CDH4: variants seen among roughly 807,000 people sequenced by gnomAD.
The protein encoded by CDH4 is cadherin 4, also known as cadherin-4.
CDH4 carries 33 observed loss-of-function variants against 86.0 expected under a neutral mutation model. The observed-to-expected ratio is 0.38, with a 90% confidence interval of 0.29 to 0.51. The LOEUF (loss-of-function observed/expected upper bound fraction) is 0.51, where lower values mean the gene tolerates loss of function less well. CDH4 is among the 20% of genes least tolerant of loss of function. CDH4 has a pLI of 0.86. For missense variants in CDH4, 1,114 were observed against 1,307.4 expected (o/e 0.85, Z 2.28); for synonymous variants, 555 against 549.4 (o/e 1.01, Z -0.14).
At chr20:61,920,628 T>C (rs1392509105) in intron 9 of CDH4, among the ~76,000 whole-genome samples, 1 of 150,274 alleles carries the variant, frequency 6.7e-6, no homozygotes, top group African/African-American at 2.5e-5. Context: ...GGAAGTGTGG[T>C]GTCACAGTGA....
rs763786186 is a variant in CDH4, at chr20:61,923,640, C to T, written c.1564C>T (p.Pro522Ser). 3.7e-6 allele frequency: 6 copies of T among 1,614,112 alleles called. No homozygotes were observed. Among genetic ancestry groups the T allele is most frequent in the Middle Eastern group, 1.6e-4 (1 of 6,062 alleles). The change falls in exon 10 of 16, where the codon CCC (proline) becomes TCC (serine). Residue 522 changes from proline to serine, a missense_variant. Transcript: ENST00000614565. The stretch of plus-strand genomic sequence containing the variant: ...GATCCGCCTGGAGGAGGGCGTGCCC[C>T]CCGGCACCGTGCTGACCACGTTTTC... ...KLIRLEEGVPPGTVLTTFSAV... is the reference protein window; with the variant it reads ...KLIRLEEGVPSGTVLTTFSAV...
intron 2 of CDH4, among the ~76,000 whole-genome samples, chr20:61,742,308 A>G (rs900770539): frequency 1.3e-5 from 2 of 152,146 alleles, no homozygotes; most frequent in African/African-American, 2.4e-5. Context: ...ATCACATTTA[A>G]AAACATTTTC....
intron 2 of CDH4, among the ~76,000 whole-genome samples, chr20:61,610,784 G>A (rs773723488): frequency 6.6e-6 from 1 of 152,128 alleles, no homozygotes; most frequent in Non-Finnish European, 1.5e-5. Flanking sequence ...GCTTGTGCCT[G>A]TCCTTCAGAT....
chr20:61,755,289 C>T (rs906752207), intron 3 of CDH4, among the ~76,000 whole-genome samples: 1 of 128,120 alleles, frequency 7.8e-6, no homozygotes, highest in Non-Finnish European at 1.7e-5. Flanking sequence ...ACACACACGC[C>T]CCACACACAC....
At position 61,252,482 on chromosome 20, in the gene CDH4, C is replaced by T. The variant is rs1475884706; in HGVS notation, c.-32C>T. 4.5e-6 allele frequency: 5 copies of T among 1,116,796 alleles called. No individual in the cohort carries two copies. Among genetic ancestry groups the T allele is most frequent in the African/African-American group, 3.4e-5 (2 of 59,234 alleles). The allele number at this position is 1,116,796 out of a possible 1,614,324, so 69.2% of individuals were successfully genotyped here. A position where few individuals can be genotyped will look rare whatever the true frequency, so the allele number is the denominator to read the frequency against. On this transcript the variant is annotated 5_prime_UTR_variant, in exon 1 of 16. Coordinates refer to ENST00000614565, the MANE Select transcript of CDH4 (RefSeq NM_001794.5). The surrounding 1 kb of genome is among the most constrained non-coding windows in gnomAD (Gnocchi z 4.4). ...GCGGCGGCGGCAGGGAGCGGGCTCC[C>T]GGTGCCGGGCACCGGGCGGGCGGCG...
rs761554192 is a variant in CDH4, at chr20:61,723,105, G to A, written c.170-20458G>A. On this transcript the variant is annotated intron_variant, in intron 2 of 15. Transcript: ENST00000614565. The stretch of plus-strand genomic sequence containing the variant: ...AGGGCAGACCTCACTCTTCATCACC[G>A]ATCACCATGAGTCTGGTCATGTGTC... Among the ~76,000 whole-genome samples the A allele has an allele frequency of 3.3e-5, 5 of 152,280 alleles. No individual in the cohort carries two copies. The East Asian group carries it at 5.8e-4, about 18-fold the overall frequency.
At chr20:61,350,744 T>C (rs934386187) in intron 2 of CDH4, among the ~76,000 whole-genome samples, 1 of 152,176 alleles carries the variant, frequency 6.6e-6, no homozygotes, top group Non-Finnish European at 1.5e-5. Flanking sequence ...CGCCCTCAAG[T>C]GGCCTGGGGA....
chr20:61,596,306 G>A (rs1402928188), intron 2 of CDH4, among the ~76,000 whole-genome samples: 1 of 152,234 alleles, frequency 6.6e-6, no homozygotes, highest in African/African-American at 2.4e-5. Flanking sequence ...AGAGGGTGGT[G>A]CACAATTGGT....
chr20:61,933,982 A>C, intron 14 of CDH4, 74 bp from the exon 15 acceptor site: 1 of 1,550,552 alleles, frequency 6.4e-7, no homozygotes, highest in Non-Finnish European at 8.8e-7. Context: ...CAGGTGACAG[A>C]AAAGGATGCA....
intron 2 of CDH4, among the ~76,000 whole-genome samples, chr20:61,604,838 C>T (rs1281212395): frequency 1.3e-5 from 2 of 152,146 alleles, no homozygotes; most frequent in Non-Finnish European, 2.9e-5. Flanking sequence ...GGCGTCACTT[C>T]AGGAGAAATG....
At chr20:61,699,265 C>G (rs1339996415) in intron 2 of CDH4, among the ~76,000 whole-genome samples, 6 of 152,138 alleles carry the variant, frequency 3.9e-5, no homozygotes, top group Non-Finnish European at 5.9e-5. Flanking sequence ...GGGATGCTGG[C>G]CAGCATGCGG....
At chr20:61,831,406 A>C (rs183475529) in intron 4 of CDH4, among the ~76,000 whole-genome samples, 1 of 152,350 alleles carries the variant, frequency 6.6e-6, no homozygotes, top group East Asian at 1.9e-4. Context: ...GAAGAGCCCC[A>C]GGCCTCTGTT....
At chr20:61,652,938 A>ATTTTTTTTT (rs763918382) in intron 2 of CDH4, among the ~76,000 whole-genome samples, 3 of 97,434 alleles carry the variant, frequency 3.1e-5, no homozygotes, top group Non-Finnish European at 4.7e-5. Context: ...TTATTTATTT[A>ATTTTTTTTT]TTTTTTTTTT....
At chr20:61,821,852 G>A (rs1043636603) in intron 4 of CDH4, among the ~76,000 whole-genome samples, 3 of 152,246 alleles carry the variant, frequency 2.0e-5, no homozygotes, top group African/African-American at 7.2e-5. Context: ...GGAGATAAGT[G>A]TTACCCAGAC....
At chr20:61,498,440 GCTCCGA>G (rs1454574830) in intron 2 of CDH4, among the ~76,000 whole-genome samples, 1 of 152,222 alleles carries the variant, frequency 6.6e-6, no homozygotes, top group Non-Finnish European at 1.5e-5. Flanking sequence ...GAGACAAACA[GCTCCGA>G]CTTCCGGTGA....
intron 2 of CDH4, among the ~76,000 whole-genome samples, chr20:61,351,802 C>T (rs752313923): frequency 1.1e-4 from 16 of 151,924 alleles, no homozygotes; most frequent in African/African-American, 2.4e-4. Flanking sequence ...CTGCAACCTC[C>T]GCCTCCCAGG....
chr20:61,499,305 C>G (rs1243773128), intron 2 of CDH4: 3 of 446,238 alleles, frequency 6.7e-6, no homozygotes, highest in Non-Finnish European at 8.1e-6. Context: ...GCTGCTCACT[C>G]TGGCCAGGTA....
chr20:61,710,720 A>C (rs1471050882), intron 2 of CDH4, among the ~76,000 whole-genome samples: 1 of 152,204 alleles, frequency 6.6e-6, no homozygotes, highest in African/African-American at 2.4e-5. Context: ...TCAGTGCTGC[A>C]GAGACAAGGT....
intron 2 of CDH4, among the ~76,000 whole-genome samples, chr20:61,325,574 G>T (rs938169902): frequency 2.0e-5 from 3 of 151,666 alleles, no homozygotes; most frequent in Non-Finnish European, 4.4e-5. Flanking sequence ...GGGGCAGGGG[G>T]TTAGATGTGC....
Sources: gnomAD v4.1 joint callset for allele counts (sites outside exome capture counted in the v4.1 genomes callset) on GRCh38, gnomAD v4.1.1 for gene constraint, Gnocchi (gnomAD v3.1) non-coding constraint, MANE v1.5 for transcripts, NCBI Gene and HGNC (gene_info 2026-07-23, HGNC 2026-07-21) for gene names.